The following CASD1 variants were observed in gnomAD, a reference collection of about 807,000 sequenced individuals.
The protein encoded by CASD1 is CAS1 domain sialic acid O acetyltransferase 1.
CASD1 carries 41 observed loss-of-function variants against 100.0 expected under a neutral mutation model. The observed-to-expected ratio is 0.41, with a 90% CI of 0.32 to 0.53. CASD1 has a LOEUF of 0.53. CASD1 is among the 20% of genes least tolerant of loss of function. The pLI is 0.25. For missense variants in CASD1, 774 were observed against 948.7 expected (o/e 0.82, Z 2.42); for synonymous variants, 321 against 315.6 (o/e 1.02, Z -0.18).
the CASD1 span, chr7:94,598,677 TAAAC>T: frequency 8.4e-5 from 75 of 894,398 alleles, no homozygotes; most frequent in Admixed American, 2.4e-4. Context: ...CTTCCAGTTA[TAAAC>T]AAACAAACAC....
At chr7:94,603,292 A>G in the CASD1 span, 17 of 1,611,110 alleles carry the variant, frequency 1.1e-5, no homozygotes, top group East Asian at 2.9e-4. Flanking sequence ...AAACTTACCA[A>G]TGAAATTTTG....
At chr7:94,519,769 AGTGCTG>A (rs1794169257) in intron 3 of CASD1, among the ~76,000 whole-genome samples, 1 of 152,180 alleles carries the variant, frequency 6.6e-6, no homozygotes, top group Non-Finnish European at 1.5e-5. Context: ...GGCCTCCCAA[AGTGCTG>A]GAATTACAGG....
the CASD1 span, among the ~76,000 whole-genome samples, chr7:94,595,024 A>G: frequency 1.3e-5 from 2 of 152,108 alleles, no homozygotes; most frequent in African/African-American, 4.8e-5. Context: ...AATGACCGAC[A>G]CTATCTATCC....
At chr7:94,610,594 A>G in the CASD1 span, among the ~76,000 whole-genome samples, 1 of 152,212 alleles carries the variant, frequency 6.6e-6, no homozygotes. Context: ...ACCTTGGATT[A>G]GGCAATGATT....
chr7:94,596,504 G>A, the CASD1 span, among the ~76,000 whole-genome samples: 1 of 152,080 alleles, frequency 6.6e-6, no homozygotes, highest in Admixed American at 6.5e-5. Flanking sequence ...CTCAAACTGT[G>A]TTCTTTGAAG....
chr7:94,608,999 G>T, the CASD1 span, among the ~76,000 whole-genome samples: 1 of 152,120 alleles, frequency 6.6e-6, no homozygotes, highest in Non-Finnish European at 1.5e-5. Flanking sequence ...AGATGACCTT[G>T]GATTTGATGA....
the CASD1 span, among the ~76,000 whole-genome samples, chr7:94,564,888 T>C: frequency 4.6e-5 from 7 of 152,124 alleles, no homozygotes; most frequent in Non-Finnish European, 8.8e-5. Flanking sequence ...CATTGCAGGG[T>C]TCTTTCTCTT....
Position 94,555,124 on chromosome 7 carries a change from C to T in CASD1, c.2128-368C>T, listed in dbSNP as rs373592117. ...TAAAATGTATTCTGAGTAGTCTAAG[C>T]TTTATTATTTGAAATAGAATGTTTT... On this transcript the variant is annotated intron_variant, in intron 17 of 17. Transcript: ENST00000297273. Among the ~76,000 whole-genome samples, 72 of 152,044 alleles carry T rather than the reference C, an allele frequency of 4.7e-4. No individual in the cohort carries two copies. The East Asian group carries it at 9.3e-3, about 20-fold the overall frequency.
chr7:94,523,793 T>C (rs1466136513), intron 3 of CASD1, among the ~76,000 whole-genome samples: 1 of 152,178 alleles, frequency 6.6e-6, no homozygotes, highest in Non-Finnish European at 1.5e-5. Flanking sequence ...TTATACAATA[T>C]CAAGATTTAA....
chr7:94,513,804 T>G (rs962372392), intron 1 of CASD1, among the ~76,000 whole-genome samples: 4 of 152,246 alleles, frequency 2.6e-5, no homozygotes, highest in African/African-American at 9.6e-5. Context: ...TTTCCTTTTA[T>G]GTTCTTTTGT....
the CASD1 span, among the ~76,000 whole-genome samples, chr7:94,585,860 G>A: frequency 6.6e-6 from 1 of 151,456 alleles, no homozygotes; most frequent in Admixed American, 6.6e-5. Flanking sequence ...ATATCATGTG[G>A]GCTGGTAGGG....
rs1278597167 is a variant in CASD1 at position 94,556,716 on chromosome 7, A to G, written c.*958A>G. On this transcript the variant is annotated 3_prime_UTR_variant, in exon 18 of 18. Coordinates refer to ENST00000297273, the MANE Select transcript of CASD1 (RefSeq NM_022900.5). Reference sequence around the variant, plus strand: ...GTTGTTACGATTGAGCTGTATTACCATAAGTAGAATTTTAAGTAAACTGGT... The same window carrying G: ...GTTGTTACGATTGAGCTGTATTACCGTAAGTAGAATTTTAAGTAAACTGGT... 2 of 152,024 alleles carry G rather than the reference A, an allele frequency of 1.3e-5. No individual in the cohort carries two copies. Among genetic ancestry groups the G allele is most frequent in the Non-Finnish European group, 2.9e-5 (2 of 67,918 alleles). The allele number at this position is 152,024 out of a possible 1,614,324, so 9.4% of individuals were successfully genotyped here. A position where few individuals can be genotyped will look rare whatever the true frequency, so the allele number is the denominator to read the frequency against.
chr7:94,527,662 G>A (rs1240022100), intron 4 of CASD1, among the ~76,000 whole-genome samples: 1 of 152,204 alleles, frequency 6.6e-6, no homozygotes, highest in Non-Finnish European at 1.5e-5. Flanking sequence ...TTTAACTGAG[G>A]CTTCAAAAAT....
Position 94,544,536 on chromosome 7 carries a change from A to T in CASD1, c.1476+6A>T. On this transcript the variant is annotated splice_donor_region_variant and intron_variant, in intron 11 of 17. Coordinates refer to ENST00000297273, the MANE Select transcript of CASD1 (RefSeq NM_022900.5). ...GAATCTATAGAGTATGTCAGGTAGG[A>T]ATGCACTGTTATTTCCTTTTCTTCC... 1.2e-6 allele frequency: 2 copies of T among 1,608,022 alleles called. No individual in the cohort carries two copies. Among genetic ancestry groups the T allele is most frequent in the Non-Finnish European group, 1.7e-6 (2 of 1,178,194 alleles).
chr7:94,609,422 C>T, the CASD1 span, among the ~76,000 whole-genome samples: 1 of 152,178 alleles, frequency 6.6e-6, no homozygotes, highest in Non-Finnish European at 1.5e-5. Flanking sequence ...AGCTACTTGA[C>T]TTGGGAGGCT....
At chr7:94,614,107 CAAAAAAAAAA>C in the CASD1 span, among the ~76,000 whole-genome samples, 15 of 94,964 alleles carry the variant, frequency 1.6e-4, no homozygotes, top group African/African-American at 7.3e-4. Context: ...AAATTGAAAT[CAAAAAAAAAA>C]AAAAAAAAAA....
chr7:94,628,191 G>A, the CASD1 span: 1 of 1,604,590 alleles, frequency 6.2e-7, no homozygotes, highest in African/African-American at 1.3e-5. Flanking sequence ...CTCTTTCTAG[G>A]TGTAAATTAC....
chr7:94,600,694 A>G, the CASD1 span: 1 of 1,613,762 alleles, frequency 6.2e-7, no homozygotes, highest in Non-Finnish European at 8.5e-7. Context: ...TAGAAAAAGG[A>G]CCAGTGCCAC....
the CASD1 span, chr7:94,600,443 G>A: frequency 1.8e-6 from 1 of 543,298 alleles, no homozygotes; most frequent in East Asian, 3.2e-5. Flanking sequence ...TTTGAATAAA[G>A]TAATTATATC....
Sources: allele counts gnomAD v4.1 joint callset (sites outside exome capture counted in the v4.1 genomes callset), GRCh38; gene constraint gnomAD v4.1.1; transcripts MANE v1.5; gene names NCBI Gene and HGNC (gene_info 2026-07-23, HGNC 2026-07-21).